The following HSPA14 variants were observed in gnomAD, a reference collection of about 807,000 sequenced individuals.
HSPA14 encodes heat shock protein family A (Hsp70) member 14, also known as heat shock 70 kDa protein 14.
A neutral mutation model predicts 65.5 loss-of-function variants in HSPA14; 37 were observed. The ratio of observed to expected loss-of-function variants is 0.56; its 90% confidence interval spans 0.43 to 0.74. HSPA14 has a LOEUF of 0.74. Among genes scored for constraint, HSPA14 ranks in the 30% least tolerant of loss-of-function variants. The probability of loss-of-function intolerance (pLI) is 0.00; values close to 1 mark genes in which losing one functional copy is unlikely to be tolerated. For missense variants in HSPA14, 564 were observed against 607.6 expected, an observed-to-expected ratio of 0.93 and a Z score of 0.75; for synonymous variants, 203 against 214.2, an observed-to-expected ratio of 0.95 and a Z score of 0.46.
intron 11 of HSPA14, 45 bp from the exon 12 acceptor site, chr10:14,867,691 A>AAAGAT: frequency 1.3e-6 from 2 of 1,537,978 alleles, no homozygotes; most frequent in Non-Finnish European, 1.8e-6. Context: ...TTTCAATTGT[A>AAAGAT]AAGATAAATA....
intron 1 of HSPA14, among the ~76,000 whole-genome samples, chr10:14,839,576 A>AC (rs200208654): frequency 2.2e-4 from 33 of 151,938 alleles, no homozygotes; most frequent in East Asian, 9.7e-4. Flanking sequence ...GTGTCCAAAA[A>AC]AAAAAAAAAA....
intron 12 of HSPA14, 87 bp from the exon 13 acceptor site, chr10:14,870,510 T>C (rs1832844832): frequency 1.4e-6 from 2 of 1,428,032 alleles, no homozygotes; most frequent in South Asian, 1.4e-5. Context: ...CAGTGATAAA[T>C]AAGCTTTGGT....
intron 13 of HSPA14, among the ~76,000 whole-genome samples, chr10:14,871,223 A>G (rs560424622): frequency 1.3e-5 from 2 of 152,328 alleles, no homozygotes; most frequent in Admixed American, 1.3e-4. Flanking sequence ...TGAAAATAGC[A>G]TGGTGCATCT....
At position 14,843,730 on chromosome 10, in the gene HSPA14, A is replaced by G. The variant is rs1171929542; in HGVS notation, c.221+3573A>G. ...AGAAAAACTGGACAGGCTGATTGCT[A>G]TTGGTGAGGAGGCCAGTGCTCAGCA... On this transcript the variant is annotated intron_variant, in intron 3 of 13. Coordinates refer to ENST00000378372, the MANE Select transcript of HSPA14 (RefSeq NM_016299.4). The G allele has an allele frequency of 8.5e-6, 13 of 1,537,204 alleles. No homozygotes were observed. In the African/African-American group the frequency reaches 1.2e-4, roughly 15 times the overall value.
Position 14,842,672 on chromosome 10 carries a change from G to A in HSPA14, c.221+2515G>A, listed in dbSNP as rs766836506. 9.8e-6 allele frequency: 15 copies of A among 1,536,160 alleles called. No homozygotes were observed. Among genetic ancestry groups the A allele is most frequent in the African/African-American group, 9.6e-5 (7 of 73,026 alleles). Reference sequence around the variant, plus strand: ...TGATCAGAACTTAGTGGCCTCTGACGCCCCAGGGGAAGAGGGAACCGGCAT... The same window carrying A: ...TGATCAGAACTTAGTGGCCTCTGACACCCCAGGGGAAGAGGGAACCGGCAT... On this transcript the variant is annotated intron_variant, in intron 3 of 13. Coordinates refer to ENST00000378372, the MANE Select transcript of HSPA14 (RefSeq NM_016299.4). This position sits in a 1 kb window ranked among gnomAD's most constrained non-coding sequence, Gnocchi z 5.2.
rs1833917486 is a variant in HSPA14 at position 14,838,352 on chromosome 10, G to A, written c.-51G>A. ...TGGGGCCGTTGGGCGGCCGGTAGCTGTTGCTGTTGGGGGACCCCCTCATTC... is the reference window on the plus strand; with the variant it reads ...TGGGGCCGTTGGGCGGCCGGTAGCTATTGCTGTTGGGGGACCCCCTCATTC... On this transcript the variant is annotated 5_prime_UTR_variant, in exon 1 of 14. Coordinates refer to ENST00000378372, the MANE Select transcript of HSPA14 (RefSeq NM_016299.4). 6.5e-7 allele frequency: 1 copy of A among 1,549,416 alleles called. No individual in the cohort carries two copies.
rs552825103 is a variant in HSPA14, at chr10:14,868,870, G to C, written c.1380+961G>C. On this transcript the variant is annotated intron_variant, in intron 12 of 13. Coordinates refer to ENST00000378372, the MANE Select transcript of HSPA14 (RefSeq NM_016299.4). ...TTTTTGTTTTTTCTTTTTTTGAGACGGAGTCTCGCTCTCTTGCCCAGGCCA... is the reference window on the plus strand; with the variant it reads ...TTTTTGTTTTTTCTTTTTTTGAGACCGAGTCTCGCTCTCTTGCCCAGGCCA... Among the ~76,000 whole-genome samples the C allele has an allele frequency of 3.3e-5, 5 of 151,820 alleles. No individual in the cohort carries two copies. In the East Asian group the frequency reaches 9.7e-4, roughly 29 times the overall value.
intron 9 of HSPA14, 60 bp from the exon 10 acceptor site, chr10:14,855,781 G>A (rs926309447): frequency 3.4e-6 from 3 of 886,280 alleles, no homozygotes; most frequent in East Asian, 4.9e-5. Flanking sequence ...ACTGAGCCCC[G>A]TTTTATCTTT....
rs1325520020 is a variant in HSPA14 at position 14,842,660 on chromosome 10, G to T, written c.221+2503G>T. 1.3e-6 allele frequency: 2 copies of T among 1,536,260 alleles called. No homozygotes were observed. The highest frequency in any genetic ancestry group is 2.7e-5 in the African/African-American group (2 of 73,174). On this transcript the variant is annotated intron_variant, in intron 3 of 13. Coordinates refer to ENST00000378372, the MANE Select transcript of HSPA14 (RefSeq NM_016299.4). This position sits in a 1 kb window ranked among gnomAD's most constrained non-coding sequence, Gnocchi z 5.2. ...GGCCAAGCACTGTGATCAGAACTTA[G>T]TGGCCTCTGACGCCCCAGGGGAAGA...
At chr10:14,849,583 T>C in intron 5 of HSPA14, 138 bp from the exon 6 acceptor site, 2 of 728,644 alleles carry the variant, frequency 2.7e-6, no homozygotes, top group South Asian at 3.0e-5. Flanking sequence ...AGAAGAAAAT[T>C]GACACGGGGG....
chr10:14,859,240 G>T (rs1455974012), intron 10 of HSPA14, among the ~76,000 whole-genome samples: 1 of 152,156 alleles, frequency 6.6e-6, no homozygotes, highest in African/African-American at 2.4e-5. Context: ...TTTAGGTGAG[G>T]GAGAAGCTGG....
chr10:14,846,298 A>G, intron 3 of HSPA14: 6 of 985,380 alleles, frequency 6.1e-6, no homozygotes, highest in Non-Finnish European at 7.2e-6. Context: ...TGTATTCTAT[A>G]AATCTATTAA....
chr10:14,859,661 G>A (rs560700032), intron 10 of HSPA14, among the ~76,000 whole-genome samples: 5 of 152,300 alleles, frequency 3.3e-5, no homozygotes, highest in Admixed American at 6.5e-5. Context: ...CACCCCTTCT[G>A]TATATTGGAT....
intron 10 of HSPA14, among the ~76,000 whole-genome samples, chr10:14,861,391 T>C (rs1463783643): frequency 6.6e-6 from 1 of 152,160 alleles, no homozygotes. Flanking sequence ...TGTGGCTCAA[T>C]GTTACATCAC....
chr10:14,840,824 AT>A (rs1833963414), intron 3 of HSPA14, among the ~76,000 whole-genome samples: 1 of 152,204 alleles, frequency 6.6e-6, no homozygotes, highest in Non-Finnish European at 1.5e-5. Flanking sequence ...GTGCTTTCAC[AT>A]CTATTATTTT....
chr10:14,869,756 A>C (rs190740356), intron 12 of HSPA14, among the ~76,000 whole-genome samples: 30 of 152,300 alleles, frequency 2.0e-4, no homozygotes, highest in African/African-American at 7.0e-4. Flanking sequence ...CTTCCCATGC[A>C]CCAGGTTTTT....
Position 14,851,190 on chromosome 10 carries a change from T to G in HSPA14, c.468-29T>G, listed in dbSNP as rs781626317. ...ATGTAGAATTGAACATGTGATAAAT[T>G]AAATTCATTGAAAGCAAATTGTTCA... On this transcript the variant is annotated intron_variant, in intron 6 of 13. Transcript: ENST00000378372. 2.5e-6 allele frequency: 3 copies of G among 1,221,430 alleles called. No individual in the cohort carries two copies. In the Admixed American group the frequency reaches 6.1e-5, roughly 25 times the overall value. 75.7% of individuals were successfully genotyped at this position (1,221,430 alleles called of 1,614,324 possible).
intron 3 of HSPA14, among the ~76,000 whole-genome samples, chr10:14,841,765 G>A (rs762359823): frequency 8.5e-5 from 13 of 152,176 alleles, no homozygotes; most frequent in African/African-American, 1.4e-4. Context: ...GAGCCACAGC[G>A]TGCTGTGATT....
At chr10:14,867,480 GT>G (rs1832817488) in intron 11 of HSPA14, among the ~76,000 whole-genome samples, 185 bp downstream of exon 11, 3 of 151,942 alleles carry the variant, frequency 2.0e-5, no homozygotes, top group Non-Finnish European at 4.4e-5. Context: ...TATTCTTTTA[GT>G]TAATATTTCT....
Sources: gnomAD v4.1 joint callset for allele counts (sites outside exome capture counted in the v4.1 genomes callset) on GRCh38, gnomAD v4.1.1 for gene constraint, Gnocchi (gnomAD v3.1) non-coding constraint, MANE v1.5 for transcripts, NCBI Gene and HGNC (gene_info 2026-07-23, HGNC 2026-07-21) for gene names.